The following DIP2B variants were observed in gnomAD, a reference collection of about 807,000 sequenced individuals.
DIP2B encodes disco-interacting protein 2 homolog B.
Under a neutral mutation model 198.0 loss-of-function variants are expected in DIP2B, and 76 were observed. The observed-to-expected ratio is 0.38, with a 90% CI of 0.32 to 0.46. DIP2B has a LOEUF of 0.46. DIP2B is among the 20% of genes least tolerant of loss of function. The pLI, the probability that DIP2B is intolerant of heterozygous loss-of-function variation, is 0.99. For missense variants in DIP2B, 1,559 were observed against 1,978.4 expected (o/e 0.79, Z 4.02); for synonymous variants, 701 against 739.1 (o/e 0.95, Z 0.84).
chr12:50,651,585 T>G (rs557467752), intron 3 of DIP2B, among the ~76,000 whole-genome samples: 1 of 152,220 alleles, frequency 6.6e-6, no homozygotes, highest in South Asian at 2.1e-4. Context: ...GAAGAAACTA[T>G]CCTTTCCTCA....
chr12:50,620,350 G>T (rs1313890873), intron 1 of DIP2B, among the ~76,000 whole-genome samples: 1 of 152,216 alleles, frequency 6.6e-6, no homozygotes, highest in Non-Finnish European at 1.5e-5. Context: ...ATCCCAGGTG[G>T]TGAGGAAAGA....
At chr12:50,650,684 C>G (rs1938437712) in intron 3 of DIP2B, among the ~76,000 whole-genome samples, 1 of 152,078 alleles carries the variant, frequency 6.6e-6, no homozygotes, top group South Asian at 2.1e-4. Context: ...TATGTATATA[C>G]CATGTTTTAC....
At chr12:50,525,514 T>C (rs11169477) in intron 1 of DIP2B, among the ~76,000 whole-genome samples, 48,095 of 129,632 alleles carry the variant, frequency 0.37, 7,979 homozygotes, top group South Asian at 0.46. Context: ...CTAGGTCCCC[T>C]TTTTTTTTTT....
chr12:50,556,006 T>G (rs1958467422), intron 1 of DIP2B, among the ~76,000 whole-genome samples: 1 of 151,868 alleles, frequency 6.6e-6, no homozygotes, highest in African/African-American at 2.4e-5. Context: ...ATGTCCTGCT[T>G]CTCTTCTTCT....
chr12:50,694,509 ATACATACATACATACATAC>A (rs1565873281), intron 14 of DIP2B, among the ~76,000 whole-genome samples: 18 of 24,974 alleles, frequency 7.2e-4, no homozygotes, highest in African/African-American at 1.6e-3. Context: ...AAATAAATAC[ATACATACATACATACATAC>A]ATACATACAT....
At chr12:50,601,134 C>A (rs1412090963) in intron 1 of DIP2B, among the ~76,000 whole-genome samples, 2 of 152,160 alleles carry the variant, frequency 1.3e-5, no homozygotes, top group Non-Finnish European at 2.9e-5. Context: ...TCAATCTAAG[C>A]TCCACAAGGG....
rs539792654 is a variant in DIP2B at position 50,603,182 on chromosome 12, A to G, written c.101-22794A>G. On this transcript the variant is annotated intron_variant, in intron 1 of 37. Coordinates refer to ENST00000301180, the MANE Select transcript of DIP2B (RefSeq NM_173602.3). ...CTGTCTCAAAAAAAAAAAAATAATA[A>G]TATTTAATTTAATATTCACACATAA... 2.3e-4 allele frequency among the ~76,000 whole-genome samples: 35 copies of G among 151,792 alleles called. No individual in the cohort carries two copies. The South Asian group carries it at 6.5e-3, about 28-fold the overall frequency.
chr12:50,709,059 G>A lies in DIP2B; in HGVS notation c.2649+497G>A, dbSNP rs182968075. 1.1e-3 allele frequency among the ~76,000 whole-genome samples: 163 copies of A among 152,344 alleles called. 1 individual carries two copies. The highest frequency in any genetic ancestry group is 2.1e-3 in the Admixed American group (32 of 15,302). ...GGCACAGTCTAAGCAATATGTCTGT[G>A]GTGGGGAGCAGGCTAGAGTGATGAC... On this transcript the variant is annotated intron_variant, in intron 22 of 37. Transcript: ENST00000301180.
chr12:50,623,419 ACACACACACACACACACACT>A (rs1293966349), intron 1 of DIP2B, among the ~76,000 whole-genome samples: 8 of 95,022 alleles, frequency 8.4e-5, no homozygotes, highest in South Asian at 7.1e-4. Flanking sequence ...ACACACACAC[ACACACACACACACACACACT>A]CTCTCTCTCT....
At chr12:50,540,045 GT>G (rs1485390557) in intron 1 of DIP2B, among the ~76,000 whole-genome samples, 2 of 25,074 alleles carry the variant, frequency 8.0e-5, no homozygotes, top group African/African-American at 1.9e-4. Context: ...TAGTTTAGTT[GT>G]TTCTGTGTTT....
intron 1 of DIP2B, among the ~76,000 whole-genome samples, chr12:50,569,834 T>TA (rs1958597890): frequency 6.6e-6 from 1 of 152,226 alleles, no homozygotes; most frequent in South Asian, 2.1e-4. Context: ...AAGAGATACA[T>TA]AGAGATCAGA....
At chr12:50,510,200 A>C (rs988219187) in intron 1 of DIP2B, among the ~76,000 whole-genome samples, 12 of 152,252 alleles carry the variant, frequency 7.9e-5, no homozygotes, top group Admixed American at 1.3e-4. Flanking sequence ...GATTGTCAAA[A>C]AAAATCAGAA....
chr12:50,560,221 C>A (rs977859900), intron 1 of DIP2B, among the ~76,000 whole-genome samples: 1 of 151,710 alleles, frequency 6.6e-6, no homozygotes, highest in Non-Finnish European at 1.5e-5. Flanking sequence ...AGTGAAACCC[C>A]GTCTCTACTA....
At chr12:50,689,389 G>A (rs1222052680) in intron 12 of DIP2B, among the ~76,000 whole-genome samples, 1 of 152,108 alleles carries the variant, frequency 6.6e-6, no homozygotes, top group Non-Finnish European at 1.5e-5. Flanking sequence ...AAAAAAAAAG[G>A]AGACCGGCTT....
Position 50,685,754 on chromosome 12 carries a change from G to A in DIP2B, c.1318-79G>A, listed in dbSNP as rs993198578. The A allele has an allele frequency of 1.6e-5, 23 of 1,465,324 alleles. No individual in the cohort carries two copies. In the African/African-American group the frequency reaches 3.0e-4, roughly 19 times the overall value. 90.8% of individuals were successfully genotyped at this position (1,465,324 alleles called of 1,614,324 possible). A position where few individuals can be genotyped will look rare whatever the true frequency, so the allele number is the denominator to read the frequency against. ...GAATGTTATCAAACAAAATGCCAGAGCATTACTAAGTGTCAGATATGGGCA... is the reference window on the plus strand; with the variant it reads ...GAATGTTATCAAACAAAATGCCAGAACATTACTAAGTGTCAGATATGGGCA... On this transcript the variant is annotated intron_variant, in intron 10 of 37. Transcript: ENST00000301180.
chr12:50,743,780 C>G (rs1292382375), intron 37 of DIP2B: 1 of 152,194 alleles, frequency 6.6e-6, no homozygotes. Flanking sequence ...GAAAGAATAC[C>G]TGGCTATCTC....
At chr12:50,545,627 C>T (rs2139380259) in intron 1 of DIP2B, among the ~76,000 whole-genome samples, 1 of 151,756 alleles carries the variant, frequency 6.6e-6, no homozygotes, top group East Asian at 1.9e-4. Flanking sequence ...ACATTTTGGG[C>T]CAGGCATGGT....
chr12:50,647,864 T>C (rs2252608), intron 3 of DIP2B, among the ~76,000 whole-genome samples: 145,687 of 152,226 alleles, frequency 0.96, 70,050 homozygotes, highest in East Asian at 1. Flanking sequence ...CCTGTAATCC[T>C]AGCATTTTGG....
At chr12:50,665,725 A>T (rs1330405214) in intron 4 of DIP2B, among the ~76,000 whole-genome samples, 2 of 151,892 alleles carry the variant, frequency 1.3e-5, no homozygotes, top group African/African-American at 4.8e-5. Context: ...GCAGTGAACC[A>T]TAATCACAGC....
Sources: gnomAD v4.1 joint callset for allele counts (sites outside exome capture counted in the v4.1 genomes callset) on GRCh38, gnomAD v4.1.1 for gene constraint, MANE v1.5 for transcripts, NCBI Gene and HGNC (gene_info 2026-07-23, HGNC 2026-07-21) for gene names.